Variants in PPP2R5C observed in about 807,000 individuals in gnomAD.
PPP2R5C encodes protein phosphatase 2 regulatory subunit B'gamma.
Under a neutral mutation model 68.9 loss-of-function variants are expected in PPP2R5C, and 7 were observed. The observed-to-expected ratio is 0.10, with a 90% CI of 0.06 to 0.19. The LOEUF (loss-of-function observed/expected upper bound fraction) is 0.19, where lower values mean the gene tolerates loss of function less well. PPP2R5C is among the 10% of genes least tolerant of loss of function. PPP2R5C has a pLI of 1.00. For synonymous variants in PPP2R5C, 210 were observed against 222.2 expected, an observed-to-expected ratio of 0.95 and a Z score of 0.49; for missense variants, 348 against 641.3, an observed-to-expected ratio of 0.54 and a Z score of 4.94.
chr14:101,910,401 A>ATG lies in PPP2R5C; in HGVS notation c.1253+729_1253+730dup, dbSNP rs34403296. 5.3e-3 allele frequency among the ~76,000 whole-genome samples: 799 copies of ATG among 151,328 alleles called. 2 individuals carry two copies. The highest frequency in any genetic ancestry group is 7.4e-3 in the Admixed American group (113 of 15,218). ...ACACTGTATACATATGTGTGTATCTATGTGTGTGTGTGTGTGTGTATATAT... is the reference window on the plus strand; with the variant it reads ...ACACTGTATACATATGTGTGTATCTATGTGTGTGTGTGTGTGTGTGTATATAT... On this transcript the variant is annotated intron_variant, in intron 11 of 13. Coordinates refer to ENST00000334743, the Ensembl canonical transcript of PPP2R5C.
Position 101,877,883 on chromosome 14 carries a change from C to T in PPP2R5C, c.295-4278C>T, listed in dbSNP as rs139482669. Among the ~76,000 whole-genome samples the T allele has an allele frequency of 2.0e-5, 3 of 152,342 alleles. No homozygotes were observed. The East Asian group carries it at 5.8e-4, about 29-fold the overall frequency. On this transcript the variant is annotated intron_variant, in intron 2 of 13. Coordinates refer to ENST00000334743, the Ensembl canonical transcript of PPP2R5C. The surrounding 1 kb of genome is among the most constrained non-coding windows in gnomAD (Gnocchi z 4.2). ...TCAATCAGAATTGGCCTGGAATGAA[C>T]CTTCCCGGACCTAGGTCGGTCATCA... is the stretch of plus-strand genomic sequence containing the variant.
chr14:101,766,544 G>A (rs1042314112), intron 2 of PPP2R5C: 1 of 152,228 alleles, frequency 6.6e-6, no homozygotes, highest in Admixed American at 6.5e-5. Context: ...CTGCTGCCCT[G>A]TAACTTTTGC....
intron 1 of PPP2R5C, among the ~76,000 whole-genome samples, chr14:101,829,761 G>GCTCCACC (rs2040623636): frequency 6.6e-6 from 1 of 152,142 alleles, no homozygotes; most frequent in Admixed American, 6.5e-5. Context: ...CAGACATCCA[G>GCTCCACC]CTCCACATGG....
intron 1 of PPP2R5C, among the ~76,000 whole-genome samples, chr14:101,831,484 G>A (rs1024564536): frequency 3.9e-5 from 6 of 152,212 alleles, no homozygotes; most frequent in African/African-American, 1.2e-4. Context: ...AGTGGGCATA[G>A]CATCTTTTTA....
rs138358638 is a variant in PPP2R5C at position 101,882,958 on chromosome 14, G to A, written c.406-299G>A. The A allele has an allele frequency of 1.5e-5, 4 of 269,152 alleles. No individual in the cohort carries two copies. The highest frequency in any genetic ancestry group is 2.8e-5 in the Non-Finnish European group (4 of 143,922). 16.7% of individuals were successfully genotyped at this position (269,152 alleles called of 1,614,324 possible). On this transcript the variant is annotated intron_variant, in intron 3 of 13. Coordinates refer to ENST00000334743, the Ensembl canonical transcript of PPP2R5C. This position sits in a 1 kb window ranked among gnomAD's most constrained non-coding sequence, Gnocchi z 4.9. Reference sequence around the variant, plus strand: ...CCCTGCAGAGTTGGGTCATGGCTTGGTTTGTGGCATCTGTGCCCTGTAGTC... The same window carrying A: ...CCCTGCAGAGTTGGGTCATGGCTTGATTTGTGGCATCTGTGCCCTGTAGTC...
intron 1 of PPP2R5C, among the ~76,000 whole-genome samples, chr14:101,828,260 G>A (rs796078404): frequency 1.3e-5 from 2 of 152,242 alleles, no homozygotes; most frequent in East Asian, 1.9e-4. Flanking sequence ...AGGGGGAGTA[G>A]TTACTTACAG....
At chr14:101,772,903 G>C (rs907665312) in intron 2 of PPP2R5C, among the ~76,000 whole-genome samples, 6 of 152,216 alleles carry the variant, frequency 3.9e-5, no homozygotes, top group African/African-American at 1.4e-4. Flanking sequence ...TTGTCCTGCT[G>C]ATTATGAATG....
At chr14:101,805,644 G>A (rs188665113), upstream of PPP2R5C, among the ~76,000 whole-genome samples, 1 of 152,320 alleles carries the variant, frequency 6.6e-6, no homozygotes, top group Admixed American at 6.5e-5. Context: ...ACAAAAGGTG[G>A]AAGCAACCCA....
intron 2 of PPP2R5C, 52 bp downstream of exon 2, chr14:101,763,022 A>G: frequency 6.8e-7 from 1 of 1,461,600 alleles, no homozygotes; most frequent in Admixed American, 2.0e-5. Flanking sequence ...TTTTAACTTC[A>G]GGTAGAAAAA....
At position 101,925,217 on chromosome 14, in the gene PPP2R5C, A is replaced by T. The variant is rs757569785; in HGVS notation, c.1520A>T (p.Lys507Ile). ...CTGCCTCAGGACCCCCACACCAAGA[A>T]AGCCTTGGAAGCTCACTGCAGGGCC... The change falls in exon 14 of 14, where the codon AAA becomes ATA. Residue 507 changes from lysine (K) to isoleucine (I), a missense_variant. By Grantham distance (102) the Lys-to-Ile change is moderately radical. Around this residue, in one of 4 missense-constraint regions of PPP2R5C, gnomAD observed 118 missense variants for 108.9 expected, o/e 1.08. Coordinates refer to ENST00000334743, the Ensembl canonical transcript of PPP2R5C. 1.9e-6 allele frequency: 3 copies of T among 1,613,764 alleles called. No homozygotes were observed. The African/African-American group carries it at 4.0e-5, about 22-fold the overall frequency.
chr14:101,925,471 C>T, exon 14 of PPP2R5C: 1 of 887,668 alleles, frequency 1.1e-6, no homozygotes, highest in East Asian at 3.0e-5. Context: ...CTGGCAGAGC[C>T]GCGGGTTGAC....
At chr14:101,893,141 G>C in intron 7 of PPP2R5C, 33 bp downstream of exon 9, 1 of 1,440,390 alleles carries the variant, frequency 6.9e-7, no homozygotes, top group African/African-American at 1.4e-5. Context: ...GAACACAGCT[G>C]TTGGCATTTG....
chr14:101,898,366 C>T (rs2045486806), intron 8 of PPP2R5C, among the ~76,000 whole-genome samples: 1 of 152,176 alleles, frequency 6.6e-6, no homozygotes, highest in East Asian at 1.9e-4. Flanking sequence ...TCTATCCCGC[C>T]ATCCACTGTC....
intron 1 of PPP2R5C, among the ~76,000 whole-genome samples, chr14:101,845,138 TA>T (rs560828976): frequency 0.05 from 7,330 of 145,722 alleles, 209 homozygotes; most frequent in South Asian, 0.075. Flanking sequence ...TTTCCCTGTT[TA>T]AAAAAAAAAA....
In PPP2R5C at chr14:101,917,839, G is replaced by A; in HGVS notation, c.1335G>A (p.Val445=). The change falls in exon 13 of 14, where the codon GTG becomes GTA. Residue 445 remains valine, a synonymous_variant. Coordinates refer to ENST00000334743, the Ensembl canonical transcript of PPP2R5C. This position sits in a 1 kb window ranked among gnomAD's most constrained non-coding sequence, Gnocchi z 4.4. ...CACGCTTTGCATTGCAGTACACAGT[G>A]TATAGTCAAGCCAGCACCATGAGCA... 6.2e-7 allele frequency: 1 copy of A among 1,613,628 alleles called. No homozygotes were observed. Among genetic ancestry groups the A allele is most frequent in the Non-Finnish European group, 8.5e-7 (1 of 1,179,658 alleles).
At chr14:101,815,099 T>C (rs902697138) in intron 1 of PPP2R5C, among the ~76,000 whole-genome samples, 4 of 152,180 alleles carry the variant, frequency 2.6e-5, no homozygotes, top group African/African-American at 7.2e-5. Flanking sequence ...TCTCTCTGAA[T>C]CTGCCCAACA....
At chr14:101,841,886 C>T (rs1446415288) in intron 1 of PPP2R5C, among the ~76,000 whole-genome samples, 1 of 152,138 alleles carries the variant, frequency 6.6e-6, no homozygotes, top group Non-Finnish European at 1.5e-5. Flanking sequence ...AGGTGGGGAG[C>T]GCCTCCTCCT....
At position 101,825,205 on chromosome 14, in the gene PPP2R5C, T is replaced by G. The variant is rs2040321139; in HGVS notation, c.94+15169T>G. 8.1e-6 allele frequency among the ~76,000 whole-genome samples: 1 copy of G among 123,438 alleles called. No homozygotes were observed. Among genetic ancestry groups the G allele is most frequent in the Admixed American group, 9.1e-5 (1 of 10,996 alleles). The allele number at this position is 123,438 out of a possible 152,430, so 81.0% of individuals were successfully genotyped here. On this transcript the variant is annotated intron_variant, in intron 1 of 13. Coordinates refer to ENST00000334743, the Ensembl canonical transcript of PPP2R5C. This position sits in a 1 kb window ranked among gnomAD's most constrained non-coding sequence, Gnocchi z 4.0. Reference sequence around the variant, plus strand: ...TGGCAGAGGGATAGGATAAGAGGGTTTTCAGCGTGTGTGTGTGTGTGTGTG... The same window carrying G: ...TGGCAGAGGGATAGGATAAGAGGGTGTTCAGCGTGTGTGTGTGTGTGTGTG...
At chr14:101,791,670 A>G (rs1171145800) in intron 3 of PPP2R5C, among the ~76,000 whole-genome samples, 1 of 150,248 alleles carries the variant, frequency 6.7e-6, no homozygotes, top group Admixed American at 6.6e-5. Context: ...TTTTTCATTT[A>G]TGAAAGTTCT....
Sources: allele counts gnomAD v4.1 joint callset (sites outside exome capture counted in the v4.1 genomes callset), GRCh38; gene constraint gnomAD v4.1.1; regional missense constraint gnomAD v4.1.1; non-coding constraint Gnocchi (gnomAD v3.1); transcripts MANE v1.5; gene names NCBI Gene and HGNC (gene_info 2026-07-23, HGNC 2026-07-21).